TACR1: variants seen among roughly 807,000 people sequenced by gnomAD.
TACR1 encodes the protein tachykinin receptor 1, also known as substance-P receptor.
A neutral mutation model predicts 35.8 loss-of-function variants in TACR1; 25 were observed. The observed-to-expected ratio is 0.70, with a 90% CI of 0.51 to 0.98. TACR1 has a LOEUF of 0.98. Among genes scored for constraint, TACR1 ranks in the 50% least tolerant of loss-of-function variants. TACR1 has a pLI of 0.00. For synonymous variants in TACR1, 195 were observed against 206.7 expected, an observed-to-expected ratio of 0.94 and a Z score of 0.48; for missense variants, 478 against 522.9, an observed-to-expected ratio of 0.91 and a Z score of 0.84.
chr2:75,086,965 T>C (rs552187418), intron 2 of TACR1, among the ~76,000 whole-genome samples: 1 of 152,342 alleles, frequency 6.6e-6, no homozygotes, highest in African/African-American at 2.4e-5. Context: ...TAGACCCATC[T>C]TGCCCAATAT....
intron 2 of TACR1, among the ~76,000 whole-genome samples, chr2:75,108,386 T>C (rs1387579506): frequency 6.6e-6 from 1 of 152,182 alleles, no homozygotes; most frequent in African/African-American, 2.4e-5. Flanking sequence ...ATTAAAAATA[T>C]ACTTTTCTCA....
intron 1 of TACR1, among the ~76,000 whole-genome samples, chr2:75,153,804 C>T (rs1674729812): frequency 6.6e-6 from 1 of 152,170 alleles, no homozygotes; most frequent in Admixed American, 6.5e-5. Context: ...CTCCTGTGTG[C>T]AAGGATTTAA....
intron 2 of TACR1, among the ~76,000 whole-genome samples, chr2:75,075,636 T>G (rs2103823266): frequency 6.6e-6 from 1 of 152,354 alleles, no homozygotes; most frequent in Non-Finnish European, 1.5e-5. Context: ...ATGTCAATGT[T>G]CACAATAAAT....
At chr2:75,167,212 C>T (rs1191425773) in intron 1 of TACR1, among the ~76,000 whole-genome samples, 1 of 152,060 alleles carries the variant, frequency 6.6e-6, no homozygotes, top group African/African-American at 2.4e-5. Context: ...TTAATTATCC[C>T]CCAATGTTTT....
At chr2:75,106,232 ACTATT>A (rs201930984) in intron 2 of TACR1, among the ~76,000 whole-genome samples, 134 of 152,150 alleles carry the variant, frequency 8.8e-4, no homozygotes, top group African/African-American at 3.0e-3. Context: ...TGAATTACAA[ACTATT>A]CTATTTATTT....
intron 2 of TACR1, among the ~76,000 whole-genome samples, chr2:75,070,235 G>GTC (rs1672852001): frequency 6.7e-6 from 1 of 148,534 alleles, no homozygotes; most frequent in African/African-American, 2.5e-5. Flanking sequence ...GTGTGTGTAT[G>GTC]TGTGTGTGTG....
At chr2:75,051,548 A>C in intron 3 of TACR1, 101 bp from the exon 4 acceptor site, 1 of 1,537,372 alleles carries the variant, frequency 6.5e-7, no homozygotes, top group Middle Eastern at 2.3e-4. Flanking sequence ...GTATGGGATG[A>C]AGCGAGAAGT....
intron 1 of TACR1, among the ~76,000 whole-genome samples, chr2:75,152,119 A>G (rs1674687650): frequency 6.6e-6 from 1 of 152,178 alleles, no homozygotes; most frequent in Non-Finnish European, 1.5e-5. Context: ...CTTGCCTCAG[A>G]TGAGACTTCG....
intron 1 of TACR1, among the ~76,000 whole-genome samples, chr2:75,174,027 C>T (rs4853115): frequency 0.12 from 17,865 of 152,106 alleles, 1,330 homozygotes; most frequent in East Asian, 0.21. Context: ...TTGCTTCACT[C>T]CTCACACACT....
chr2:75,055,939 C>T (rs548772651), intron 2 of TACR1, among the ~76,000 whole-genome samples: 1 of 152,306 alleles, frequency 6.6e-6, no homozygotes, highest in South Asian at 2.1e-4. Flanking sequence ...CTTAGGCCAA[C>T]GGTTCTCAAC....
intron 3 of TACR1, among the ~76,000 whole-genome samples, chr2:75,052,222 C>A (rs1393620860): frequency 6.6e-6 from 1 of 152,072 alleles, no homozygotes; most frequent in African/African-American, 2.4e-5. Flanking sequence ...TAAATTAGTG[C>A]CCTTATAAAA....
At chr2:75,132,462 T>A (rs546565955) in intron 1 of TACR1, among the ~76,000 whole-genome samples, 4 of 152,332 alleles carry the variant, frequency 2.6e-5, no homozygotes, top group East Asian at 3.9e-4. Context: ...TGCATATTTT[T>A]AAAAATGTCT....
intron 2 of TACR1, among the ~76,000 whole-genome samples, chr2:75,072,917 T>C (rs1474343221): frequency 6.6e-6 from 1 of 152,190 alleles, no homozygotes; most frequent in African/African-American, 2.4e-5. Context: ...TTCAGTCTCT[T>C]ATTCTGCCAG....
chr2:75,049,325 T>C lies in TACR1; in HGVS notation c.*107A>G. 1 of 1,277,044 alleles carries C rather than the reference T, an allele frequency of 7.8e-7. No homozygotes were observed. The highest frequency in any genetic ancestry group is 1.5e-5 in the South Asian group (1 of 68,870). 79.1% of individuals were successfully genotyped at this position (1,277,044 alleles called of 1,614,324 possible). On this transcript the variant is annotated 3_prime_UTR_variant, in exon 5 of 5. Transcript: ENST00000305249. ...AACCCATACTGACCCTTTTTGCAAG[T>C]CCCAGTGTGAGGGTGTTTCTGATGG... is the stretch of plus-strand genomic sequence containing the variant.
intron 1 of TACR1, among the ~76,000 whole-genome samples, chr2:75,148,729 G>A (rs187075733): frequency 7.2e-5 from 11 of 152,216 alleles, no homozygotes; most frequent in African/African-American, 2.6e-4. Context: ...ATTTTAATTA[G>A]ATCCCATTTG....
chr2:75,051,516 TC>T, intron 3 of TACR1, 69 bp from the exon 4 acceptor site: 1 of 1,586,040 alleles, frequency 6.3e-7, no homozygotes, highest in Non-Finnish European at 8.6e-7. Flanking sequence ...TCCTCTCTCC[TC>T]CCACGCCCTC....
chr2:75,051,256 A>G lies in TACR1; in HGVS notation c.927T>C (p.Asn309=). The change falls in exon 4 of 5, where the codon AAT becomes AAC. Residue 309 remains asparagine, a synonymous_variant. Coordinates refer to ENST00000305249, the MANE Select transcript of TACR1 (RefSeq NM_001058.4). ...MYNPIIYCCL[N]DRFRLGFKHA... ...CATGGGGTTGGGATCCTCACCTGTC[A>G]TTGAGGCAGCAGTAGATGATGGGGT... is the stretch of plus-strand genomic sequence containing the variant. 8 of 1,614,122 alleles carry G rather than the reference A, an allele frequency of 5.0e-6. No individual in the cohort carries two copies. Among genetic ancestry groups the G allele is most frequent in the Non-Finnish European group, 6.8e-6 (8 of 1,179,998 alleles).
intron 1 of TACR1, among the ~76,000 whole-genome samples, chr2:75,161,380 T>G (rs906552026): frequency 6.6e-6 from 1 of 152,050 alleles, no homozygotes; most frequent in African/African-American, 2.4e-5. Flanking sequence ...TATTTAATAG[T>G]AAGAATATGA....
At position 75,180,300 on chromosome 2, in the gene TACR1, T is replaced by A. The variant is rs111488381; in HGVS notation, c.389+18246A>T. Among the ~76,000 whole-genome samples the A allele has an allele frequency of 4.0e-3, 613 of 152,338 alleles. 5 individuals are homozygous for A. The highest frequency in any genetic ancestry group is 0.014 in the African/African-American group (590 of 41,570). On this transcript the variant is annotated intron_variant, in intron 1 of 4. Coordinates refer to ENST00000305249, the MANE Select transcript of TACR1 (RefSeq NM_001058.4). ...AGGGCTCTTATTGTTCTTTGTTGTATCCTTAGAATCTAGAACAATACTGGC... is the reference window on the plus strand; with the variant it reads ...AGGGCTCTTATTGTTCTTTGTTGTAACCTTAGAATCTAGAACAATACTGGC...
Sources: allele counts gnomAD v4.1 joint callset (sites outside exome capture counted in the v4.1 genomes callset), GRCh38; gene constraint gnomAD v4.1.1; transcripts MANE v1.5; gene names NCBI Gene and HGNC (gene_info 2026-07-23, HGNC 2026-07-21).